Variants in RBFOX1 observed in about 807,000 individuals in gnomAD.
The protein encoded by RBFOX1 is RNA binding protein fox-1 homolog 1.
RBFOX1 carries 8 observed loss-of-function variants against 57.7 expected under a neutral mutation model. The observed-to-expected ratio is 0.14, with a 90% confidence interval of 0.08 to 0.25. RBFOX1 has a LOEUF of 0.25. Among genes scored for constraint, RBFOX1 ranks in the 10% least tolerant of loss-of-function variants. The probability of loss-of-function intolerance (pLI) is 1.00; values close to 1 mark genes in which losing one functional copy is unlikely to be tolerated. For missense variants in RBFOX1, 611 were observed against 548.5 expected, an observed-to-expected ratio of 1.11 and a Z score of -1.14; for synonymous variants, 326 against 222.4, an observed-to-expected ratio of 1.47 and a Z score of -4.15.
chr16:5,698,790 T>C (rs2342723), intron 3 of RBFOX1, among the ~76,000 whole-genome samples: 136,905 of 152,256 alleles, frequency 0.9, 62,168 homozygotes, highest in Non-Finnish European at 0.96. Flanking sequence ...GGTACTGAAA[T>C]AGGCTACACC....
chr16:5,749,819 C>T (rs183843999), intron 3 of RBFOX1, among the ~76,000 whole-genome samples: 98 of 152,270 alleles, frequency 6.4e-4, no homozygotes, highest in Non-Finnish European at 1.1e-3. Flanking sequence ...GAACTTCCTC[C>T]GTTAGTTCAG....
chr16:7,241,515 A>T (rs2094058027), intron 4 of RBFOX1, among the ~76,000 whole-genome samples: 1 of 152,202 alleles, frequency 6.6e-6, no homozygotes. Flanking sequence ...AAAGTTATTA[A>T]AATTTCACAG....
chr16:5,683,768 T>C (rs1381460011), intron 3 of RBFOX1, among the ~76,000 whole-genome samples: 1 of 148,298 alleles, frequency 6.7e-6, no homozygotes, highest in Non-Finnish European at 1.5e-5. Context: ...ATATATAATA[T>C]ATATACTGTA....
chr16:6,687,951 A>G (rs947167218), intron 3 of RBFOX1, among the ~76,000 whole-genome samples: 1 of 152,232 alleles, frequency 6.6e-6, no homozygotes, highest in African/African-American at 2.4e-5. Context: ...AGAGCTTCAG[A>G]AATGAAAGAT....
intron 2 of RBFOX1, among the ~76,000 whole-genome samples, chr16:5,482,503 T>C (rs903453226): frequency 6.6e-6 from 1 of 152,220 alleles, no homozygotes; most frequent in Non-Finnish European, 1.5e-5. Context: ...AGTCAGCGTC[T>C]GAGCCAGGGA....
chr16:5,918,054 A>T (rs1207189330), intron 4 of RBFOX1, among the ~76,000 whole-genome samples: 1 of 152,152 alleles, frequency 6.6e-6, no homozygotes, highest in Admixed American at 6.5e-5. Context: ...GTCAAATTCC[A>T]TGTCCCAAGC....
At chr16:7,419,407 A>G (rs1434125511) in intron 4 of RBFOX1, among the ~76,000 whole-genome samples, 2 of 152,182 alleles carry the variant, frequency 1.3e-5, no homozygotes, top group Non-Finnish European at 2.9e-5. Context: ...CTCGCTTGTG[A>G]ATGCAGAGGG....
chr16:6,928,287 G>T (rs1055232933), intron 3 of RBFOX1, among the ~76,000 whole-genome samples: 2 of 152,174 alleles, frequency 1.3e-5, no homozygotes, highest in Admixed American at 6.5e-5. Flanking sequence ...TACAGCCAAG[G>T]TTGTGAACCA....
intron 4 of RBFOX1, among the ~76,000 whole-genome samples, chr16:5,936,765 T>G (rs1460163130): frequency 1.3e-5 from 2 of 152,160 alleles, no homozygotes; most frequent in African/African-American, 2.4e-5. Flanking sequence ...GAGCTGAGTT[T>G]CATACAAGGG....
intron 3 of RBFOX1, among the ~76,000 whole-genome samples, chr16:5,719,496 C>G (rs907937079): frequency 6.6e-6 from 1 of 152,038 alleles, no homozygotes; most frequent in Non-Finnish European, 1.5e-5. Context: ...AGGCATGAGC[C>G]ACTGCCCTAG....
At chr16:5,590,078 A>ACAC (rs1567267363) in intron 2 of RBFOX1, among the ~76,000 whole-genome samples, 5 of 148,498 alleles carry the variant, frequency 3.4e-5, no homozygotes, top group African/African-American at 1.2e-4. Context: ...CACACACACA[A>ACAC]AAAGGGCAGC....
intron 3 of RBFOX1, among the ~76,000 whole-genome samples, chr16:6,865,043 C>G (rs1441963228): frequency 2.6e-5 from 3 of 115,030 alleles, no homozygotes; most frequent in African/African-American, 8.0e-5. Context: ...GCTCTTGTCA[C>G]CCAGGCTGGA....
chr16:6,507,294 A>G (rs149299249), intron 2 of RBFOX1, among the ~76,000 whole-genome samples: 1 of 152,302 alleles, frequency 6.6e-6, no homozygotes, highest in African/African-American at 2.4e-5. Context: ...TGTTTACAAT[A>G]AAAAAGAGGT....
chr16:5,310,269 G>T (rs1228728120), intron 1 of RBFOX1, among the ~76,000 whole-genome samples: 3 of 152,126 alleles, frequency 2.0e-5, no homozygotes, highest in African/African-American at 7.2e-5. Context: ...GGGCATAGTA[G>T]TGCACACCTG....
At chr16:6,564,654 T>C (rs8046360) in intron 2 of RBFOX1, among the ~76,000 whole-genome samples, 11,779 of 151,806 alleles carry the variant, frequency 0.078, 1,427 homozygotes, top group African/African-American at 0.26. Flanking sequence ...GTGGGGGAAA[T>C]GGAGAGCTGT....
chr16:5,982,364 T>G (rs1048179910), intron 4 of RBFOX1, among the ~76,000 whole-genome samples: 1 of 152,006 alleles, frequency 6.6e-6, no homozygotes, highest in African/African-American at 2.4e-5. Flanking sequence ...ACCTCCGCCT[T>G]CTGGGTTCAA....
chr16:6,815,522 G>A (rs1011573783), intron 3 of RBFOX1, among the ~76,000 whole-genome samples: 4 of 152,122 alleles, frequency 2.6e-5, no homozygotes, highest in African/African-American at 9.7e-5. Context: ...TGTCACTCCA[G>A]CATCCCCTAC....
intron 4 of RBFOX1, among the ~76,000 whole-genome samples, chr16:7,132,173 G>GT (rs1401477622): frequency 6.6e-6 from 1 of 151,780 alleles, no homozygotes; most frequent in African/African-American, 2.4e-5. Flanking sequence ...TGGAGATGGG[G>GT]TTTTCCCATG....
chr16:6,880,266 T>G (rs1343568200), intron 3 of RBFOX1, among the ~76,000 whole-genome samples: 1 of 152,004 alleles, frequency 6.6e-6, no homozygotes, highest in African/African-American at 2.4e-5. Flanking sequence ...GAGTTAACCT[T>G]GGGGAAAAAA....
Sources: gnomAD v4.1 joint callset for allele counts (sites outside exome capture counted in the v4.1 genomes callset) on GRCh38, gnomAD v4.1.1 for gene constraint, MANE v1.5 for transcripts, NCBI Gene and HGNC (gene_info 2026-07-23, HGNC 2026-07-21) for gene names.